Variants in PIGL observed in about 807,000 individuals in gnomAD.
PIGL encodes the protein phosphatidylinositol glycan anchor biosynthesis class L, also known as N-acetylglucosaminyl-phosphatidylinositol de-N-acetylase.
PIGL carries 22 observed loss-of-function variants against 31.1 expected under a neutral mutation model. That is an observed-to-expected ratio of 0.71 (90% CI 0.51 to 1.01). The LOEUF is 1.01. Among genes scored for constraint, PIGL ranks in the 50% least tolerant of loss-of-function variants. The pLI, the probability that PIGL is intolerant of heterozygous loss-of-function variation, is 0.00. For synonymous variants in PIGL, 131 were observed against 117.4 expected, an observed-to-expected ratio of 1.12 and a Z score of -0.75; for missense variants, 302 against 315.9, an observed-to-expected ratio of 0.96 and a Z score of 0.33.
rs2092919141 is a variant in PIGL, at chr17:16,282,156, C to T, written c.336-17732C>T. ...GACAGGGTCTTCCTGGGAATTAGCA[C>T]ATATCCCAAATTTCCTTCAGCTTTG... On this transcript the variant is annotated intron_variant, in intron 2 of 6. Coordinates refer to ENST00000225609, the MANE Select transcript of PIGL (RefSeq NM_004278.4). 26 of 432,302 alleles carry T rather than the reference C, an allele frequency of 6.0e-5. 1 individual carries two copies. The highest frequency in any genetic ancestry group is 4.2e-4 in the South Asian group (26 of 62,200). The allele number at this position is 432,302 out of a possible 1,614,324, so 26.8% of individuals were successfully genotyped here. A position where few individuals can be genotyped will look rare whatever the true frequency, so the allele number is the denominator to read the frequency against.
intron 2 of PIGL, among the ~76,000 whole-genome samples, chr17:16,297,285 C>T (rs1261873348): frequency 6.6e-6 from 1 of 152,202 alleles, no homozygotes; most frequent in East Asian, 1.9e-4. Context: ...AGGCATGGAG[C>T]AACACTTCTT....
At chr17:16,257,512 C>A (rs1159581766) in intron 2 of PIGL, among the ~76,000 whole-genome samples, 1 of 152,100 alleles carries the variant, frequency 6.6e-6, no homozygotes. Context: ...TGAGGGAATT[C>A]TATATCCTGT....
chr17:16,218,079 A>C (rs368233549), intron 1 of PIGL: 1 of 152,274 alleles, frequency 6.6e-6, no homozygotes, highest in Non-Finnish European at 1.5e-5. Flanking sequence ...TGACAAAGCA[A>C]ATATTGACCA....
chr17:16,287,366 C>T (rs1004859443), intron 2 of PIGL, among the ~76,000 whole-genome samples: 5 of 152,228 alleles, frequency 3.3e-5, no homozygotes, highest in Non-Finnish European at 5.9e-5. Flanking sequence ...AACTTTCAGA[C>T]AGTCCTGTGG....
chr17:16,270,725 C>G (rs1201439169), intron 2 of PIGL, among the ~76,000 whole-genome samples: 1 of 151,688 alleles, frequency 6.6e-6, no homozygotes, highest in Non-Finnish European at 1.5e-5. Context: ...GGTGAAACCC[C>G]ATCTCTACTA....
rs369026159 is a variant in PIGL, at chr17:16,299,988, C to T, written c.426+10C>T. On this transcript the variant is annotated intron_variant, in intron 3 of 6. Transcript: ENST00000225609. ...GAATGGCATCAATCTGGTAAGGGGGCAGCTCCCTGAATGGAAAACCTGAGG... is the reference window on the plus strand; with the variant it reads ...GAATGGCATCAATCTGGTAAGGGGGTAGCTCCCTGAATGGAAAACCTGAGG... The T allele has an allele frequency of 5.7e-5, 92 of 1,605,796 alleles. No homozygotes were observed. The African/African-American group carries it at 1.2e-3, about 21-fold the overall frequency.
Position 16,245,447 on chromosome 17 carries a change from T to C in PIGL, c.335+11377T>C, listed in dbSNP as rs116300688. Among the ~76,000 whole-genome samples, 1,486 of 151,958 alleles carry C rather than the reference T, an allele frequency of 9.8e-3. 24 individuals are homozygous for C. The highest frequency in any genetic ancestry group is 0.034 in the African/African-American group (1,401 of 41,436). On this transcript the variant is annotated intron_variant, in intron 2 of 6. Coordinates refer to ENST00000225609, the MANE Select transcript of PIGL (RefSeq NM_004278.4). ...CGGCCTAGAGTGTGTTTTTTACTTA[T>C]GATATTTTCAGTTTAGGATGGGTTT... is the stretch of plus-strand genomic sequence containing the variant.
rs542914000 is a variant in PIGL at position 16,303,981 on chromosome 17, T to C, written c.426+4003T>C. ...CGCCCGCCTCGGCCTCCCAAAGTGCTGGGATTACAGGTGTAAGCCACTGCG... is the reference window on the plus strand; with the variant it reads ...CGCCCGCCTCGGCCTCCCAAAGTGCCGGGATTACAGGTGTAAGCCACTGCG... On this transcript the variant is annotated intron_variant, in intron 3 of 6. Transcript: ENST00000225609. Among the ~76,000 whole-genome samples, 11 of 152,302 alleles carry C rather than the reference T, an allele frequency of 7.2e-5. No individual in the cohort carries two copies. In the East Asian group the frequency reaches 1.5e-3, roughly 21 times the overall value.
At chr17:16,315,456 G>A (rs147739806) in intron 4 of PIGL, among the ~76,000 whole-genome samples, 1,730 of 151,958 alleles carry the variant, frequency 0.011, 12 homozygotes, top group Non-Finnish European at 0.017. Context: ...TTCTCTTCCC[G>A]GCTTCCCTCC....
At chr17:16,260,258 A>C (rs2092813793) in intron 2 of PIGL, among the ~76,000 whole-genome samples, 1 of 152,190 alleles carries the variant, frequency 6.6e-6, no homozygotes, top group African/African-American at 2.4e-5. Context: ...CAGGTGCCCG[A>C]TGAAGCCCCA....
intron 2 of PIGL, among the ~76,000 whole-genome samples, chr17:16,238,429 C>CT (rs1330555896): frequency 2.8e-5 from 4 of 142,446 alleles, no homozygotes; most frequent in African/African-American, 1.0e-4. Context: ...TGGAGTGTTT[C>CT]TTTTTTTCTT....
intron 2 of PIGL, among the ~76,000 whole-genome samples, chr17:16,246,786 C>T (rs1200292252): frequency 2.0e-5 from 3 of 146,844 alleles, no homozygotes; most frequent in South Asian, 2.2e-4. Flanking sequence ...CCCGGGTTCA[C>T]GCCATTCTCC....
At chr17:16,297,278 C>T (rs549732687) in intron 2 of PIGL, among the ~76,000 whole-genome samples, 21 of 152,310 alleles carry the variant, frequency 1.4e-4, no homozygotes, top group African/African-American at 5.1e-4. Context: ...GAAAGAAAGG[C>T]ATGGAGCAAC....
rs576618694 is a variant in PIGL, at chr17:16,308,256, C to T, written c.427-5291C>T. 1.1e-4 allele frequency among the ~76,000 whole-genome samples: 16 copies of T among 151,846 alleles called. No homozygotes were observed. The East Asian group carries it at 1.2e-3, about 11-fold the overall frequency. Reference sequence around the variant, plus strand: ...GCTGAGGCAGGGAACTGCTTGAACCCGGGAGGAGGAGGTTGCGGTGAGCCG... The same window carrying T: ...GCTGAGGCAGGGAACTGCTTGAACCTGGGAGGAGGAGGTTGCGGTGAGCCG... On this transcript the variant is annotated intron_variant, in intron 3 of 6. Coordinates refer to ENST00000225609, the MANE Select transcript of PIGL (RefSeq NM_004278.4).
At chr17:16,265,059 T>A (rs533478572) in intron 2 of PIGL, among the ~76,000 whole-genome samples, 1 of 152,322 alleles carries the variant, frequency 6.6e-6, no homozygotes, top group South Asian at 2.1e-4. Context: ...TAAAGGCCTT[T>A]GTGAGGAATC....
intron 2 of PIGL, among the ~76,000 whole-genome samples, chr17:16,280,116 C>T (rs916402329): frequency 6.6e-6 from 1 of 152,174 alleles, no homozygotes; most frequent in African/African-American, 2.4e-5. Context: ...GCTTGATGTA[C>T]ACACAGATGC....
chr17:16,260,415 A>C (rs924085084), intron 2 of PIGL, among the ~76,000 whole-genome samples: 3 of 152,174 alleles, frequency 2.0e-5, no homozygotes, highest in Non-Finnish European at 4.4e-5. Context: ...GAAGCCCATA[A>C]AAACCTCAGT....
intron 2 of PIGL, among the ~76,000 whole-genome samples, chr17:16,239,405 C>T (rs532494994): frequency 6.6e-6 from 1 of 151,746 alleles, no homozygotes; most frequent in Admixed American, 6.6e-5. Flanking sequence ...ATCGCTTGAA[C>T]CCAGGAGGCG....
intron 2 of PIGL, among the ~76,000 whole-genome samples, chr17:16,255,401 A>G (rs1438727484): frequency 1.3e-5 from 2 of 152,214 alleles, no homozygotes; most frequent in South Asian, 2.1e-4. Flanking sequence ...CTTGACATCA[A>G]TGTAGCATTA....
Sources: gnomAD v4.1 joint callset for allele counts (sites outside exome capture counted in the v4.1 genomes callset) on GRCh38, gnomAD v4.1.1 for gene constraint, MANE v1.5 for transcripts, NCBI Gene and HGNC (gene_info 2026-07-23, HGNC 2026-07-21) for gene names.